HTR1F: variants seen among roughly 807,000 people sequenced by gnomAD.
The protein encoded by HTR1F is 5-hydroxytryptamine receptor 1F.
In HTR1F, 17 loss-of-function variants were observed where a neutral mutation model predicts 24.0. That is an observed-to-expected ratio of 0.71 (90% CI 0.48 to 1.06). HTR1F has a LOEUF of 1.06. HTR1F is among the 50% of genes least tolerant of loss of function. The probability of loss-of-function intolerance (pLI) is 0.00; values close to 1 mark genes in which losing one functional copy is unlikely to be tolerated. For missense variants in HTR1F, 391 were observed against 427.8 expected (o/e 0.91, Z 0.76); for synonymous variants, 186 against 156.8 (o/e 1.19, Z -1.39).
intron 2 of HTR1F, among the ~76,000 whole-genome samples, chr3:87,826,514 G>A (rs1375448613): frequency 1.3e-5 from 2 of 152,044 alleles, no homozygotes; most frequent in Non-Finnish European, 2.9e-5. Flanking sequence ...AGCCTCTCCA[G>A]TTAGAATGCT....
intron 2 of HTR1F, among the ~76,000 whole-genome samples, chr3:87,858,388 T>C (rs1451779947): frequency 6.6e-6 from 1 of 152,202 alleles, no homozygotes; most frequent in East Asian, 1.9e-4. Context: ...GCCATCGTGT[T>C]ACATTGTTTT....
chr3:87,940,159 T>C (rs1704533581), intron 2 of HTR1F, among the ~76,000 whole-genome samples: 2 of 152,242 alleles, frequency 1.3e-5, no homozygotes, highest in South Asian at 2.1e-4. Context: ...TCAGTTTCCA[T>C]GTAGTTGTGC....
At chr3:87,795,645 C>T (rs1413425800) in intron 1 of HTR1F, among the ~76,000 whole-genome samples, 1 of 152,156 alleles carries the variant, frequency 6.6e-6, no homozygotes, top group African/African-American at 2.4e-5. Flanking sequence ...CAACCTAGAA[C>T]CACAGTTCCC....
intron 2 of HTR1F, among the ~76,000 whole-genome samples, chr3:87,829,041 T>C (rs1385860489): frequency 7.3e-6 from 1 of 136,824 alleles, no homozygotes; most frequent in Non-Finnish European, 1.5e-5. Context: ...AAAGTCAGCA[T>C]ACCAAAAAAA....
chr3:87,928,429 G>A (rs1439611587), intron 2 of HTR1F, among the ~76,000 whole-genome samples: 1 of 152,126 alleles, frequency 6.6e-6, no homozygotes, highest in Non-Finnish European at 1.5e-5. Context: ...GCATTTCTAA[G>A]TAATAGTATA....
chr3:87,936,496 A>C (rs1704421225), intron 2 of HTR1F, among the ~76,000 whole-genome samples: 1 of 152,194 alleles, frequency 6.6e-6, no homozygotes, highest in African/African-American at 2.4e-5. Flanking sequence ...ATAAACATTT[A>C]ATTTTTTAAT....
chr3:87,843,045 C>A (rs1332005373), intron 2 of HTR1F, among the ~76,000 whole-genome samples: 1 of 151,792 alleles, frequency 6.6e-6, no homozygotes, highest in Non-Finnish European at 1.5e-5. Context: ...ATGCAAAGTC[C>A]ATTTTTCAAG....
At chr3:87,834,597 G>T (rs1704646246) in intron 2 of HTR1F, among the ~76,000 whole-genome samples, 1 of 152,078 alleles carries the variant, frequency 6.6e-6, no homozygotes. Context: ...AACACACTTT[G>T]AACAGTGATG....
intron 2 of HTR1F, among the ~76,000 whole-genome samples, chr3:87,939,336 G>C (rs1704504859): frequency 6.6e-6 from 1 of 152,104 alleles, no homozygotes; most frequent in African/African-American, 2.4e-5. Context: ...GAAATTTTCT[G>C]TTTTTTGTTG....
chr3:87,953,874 T>C (rs1704887412), intron 2 of HTR1F, among the ~76,000 whole-genome samples: 1 of 151,814 alleles, frequency 6.6e-6, no homozygotes, highest in African/African-American at 2.4e-5. Flanking sequence ...GGAAATCCTG[T>C]CATTTGCAGC....
At chr3:87,939,939 C>A (rs878939983) in intron 2 of HTR1F, among the ~76,000 whole-genome samples, 1 of 152,032 alleles carries the variant, frequency 6.6e-6, no homozygotes, top group Non-Finnish European at 1.5e-5. Context: ...TTCTCTAGTT[C>A]TTTTAATTGT....
intron 2 of HTR1F, among the ~76,000 whole-genome samples, chr3:87,956,947 G>A (rs1704957648): frequency 6.6e-6 from 1 of 151,010 alleles, no homozygotes; most frequent in Admixed American, 6.6e-5. Flanking sequence ...TGATCCTCAT[G>A]AATTATTTTC....
rs995680389 is a variant in HTR1F, at chr3:87,939,518, T to G, written c.-42-51190T>G. On this transcript the variant is annotated intron_variant, in intron 2 of 2. Coordinates refer to ENST00000319595, the MANE Select transcript of HTR1F (RefSeq NM_001322209.2). ...CATCTGGTCCTGGGCTTTTTTTGGT[T>G]GGTAGGCTATTAATTACTGCCTCAA... is the stretch of plus-strand genomic sequence containing the variant. Among the ~76,000 whole-genome samples the G allele has an allele frequency of 2.0e-5, 3 of 152,330 alleles. No homozygotes were observed. In the East Asian group the frequency reaches 5.8e-4, roughly 29 times the overall value.
Position 87,990,705 on chromosome 3 carries a change from C to T in HTR1F, c.-42-3C>T, listed in dbSNP as rs1047732874. The T allele has an allele frequency of 3.5e-5, 50 of 1,445,228 alleles. No individual in the cohort carries two copies. The highest frequency in any genetic ancestry group is 4.6e-5 in the Non-Finnish European group (48 of 1,042,726). 89.5% of individuals were successfully genotyped at this position (1,445,228 alleles called of 1,614,324 possible). A position where few individuals can be genotyped will look rare whatever the true frequency, so the allele number is the denominator to read the frequency against. ...AACTGTTTTTTCTCTTCCCTTGTTA[C>T]AGGTATCCATTTTTCAGCTATATTA... On this transcript the variant is annotated splice_polypyrimidine_tract_variant and splice_region_variant and intron_variant, in intron 2 of 2. Coordinates refer to ENST00000319595, the MANE Select transcript of HTR1F (RefSeq NM_001322209.2).
At chr3:87,817,682 A>T (rs1704275680) in intron 1 of HTR1F, among the ~76,000 whole-genome samples, 1 of 152,178 alleles carries the variant, frequency 6.6e-6, no homozygotes, top group African/African-American at 2.4e-5. Flanking sequence ...ATGTGACTTT[A>T]TTGCTGTTGT....
At chr3:87,809,102 A>C (rs116703177) in intron 1 of HTR1F, among the ~76,000 whole-genome samples, 1,531 of 151,922 alleles carry the variant, frequency 0.01, 26 homozygotes, top group African/African-American at 0.034. Flanking sequence ...TAATTTACTT[A>C]ATTCTTATAT....
chr3:87,832,503 A>G (rs1445941373), intron 2 of HTR1F, among the ~76,000 whole-genome samples: 1 of 151,642 alleles, frequency 6.6e-6, no homozygotes, highest in Non-Finnish European at 1.5e-5. Context: ...AATTTTTTGT[A>G]TTTTAGTAGA....
chr3:87,879,531 C>T (rs1444481372), intron 2 of HTR1F, among the ~76,000 whole-genome samples: 1 of 152,140 alleles, frequency 6.6e-6, no homozygotes, highest in Non-Finnish European at 1.5e-5. Flanking sequence ...CCCCTCCCCA[C>T]ACACACCCTT....
chr3:87,810,797 T>C (rs1812620), intron 1 of HTR1F, among the ~76,000 whole-genome samples: 20,225 of 152,158 alleles, frequency 0.13, 4,175 homozygotes, highest in African/African-American at 0.45. Flanking sequence ...AAAATATGTA[T>C]GTTCCCCAAC....
Sources: gnomAD v4.1 joint callset for allele counts (sites outside exome capture counted in the v4.1 genomes callset) on GRCh38, gnomAD v4.1.1 for gene constraint, MANE v1.5 for transcripts, NCBI Gene and HGNC (gene_info 2026-07-23, HGNC 2026-07-21) for gene names.